The following ECE2 variants were observed in gnomAD, a reference collection of about 807,000 sequenced individuals.
ECE2 encodes endothelin-converting enzyme 2.
A neutral mutation model predicts 100.6 loss-of-function variants in ECE2; 81 were observed. That is an observed-to-expected ratio of 0.81 (90% CI 0.67 to 0.97). The LOEUF is 0.97. ECE2 is among the 50% of genes least tolerant of loss of function. The pLI, the probability that ECE2 is intolerant of heterozygous loss-of-function variation, is 0.00. For synonymous variants in ECE2, 391 were observed against 391.5 expected, an observed-to-expected ratio of 1.00 and a Z score of 0.02; for missense variants, 911 against 988.1, an observed-to-expected ratio of 0.92 and a Z score of 1.05.
chr3:184,276,761 T>C (rs2108416166), intron 2 of ECE2, 131 bp from the exon 3 acceptor site: 1 of 1,557,274 alleles, frequency 6.4e-7, no homozygotes, highest in South Asian at 1.2e-5. Flanking sequence ...CTCAACTCAC[T>C]GGCTGGCCTC....
At position 184,291,558 on chromosome 3, in the gene ECE2, G is replaced by T. The variant is rs969910533; in HGVS notation, c.2121+119G>T. On this transcript the variant is annotated intron_variant, in intron 18 of 18. Coordinates refer to ENST00000404464, the MANE Select transcript of ECE2 (RefSeq NM_001100121.2). The surrounding 1 kb of genome is among the most constrained non-coding windows in gnomAD (Gnocchi z 4.1). ...GCTGGTGAATGGGGCTGAGGCTGGG[G>T]CATGAAAGGTGGGCTGGGAAGGCCC... is the stretch of plus-strand genomic sequence containing the variant. 4 of 1,041,154 alleles carry T rather than the reference G, an allele frequency of 3.8e-6. No homozygotes were observed. Among genetic ancestry groups the T allele is most frequent in the Non-Finnish European group, 5.4e-6 (4 of 741,806 alleles). The allele number at this position is 1,041,154 out of a possible 1,614,324, so 64.5% of individuals were successfully genotyped here.
Position 184,291,239 on chromosome 3 carries a change from C to A in ECE2, c.2025+9C>A, listed in dbSNP as rs1315877545. ...TGAAGGCTGCCTACAATGTGAGTGG[C>A]CTGACCAGCCCTCCAGCGGCTGAGG... is the stretch of plus-strand genomic sequence containing the variant. On this transcript the variant is annotated intron_variant, in intron 17 of 18. Coordinates refer to ENST00000404464, the MANE Select transcript of ECE2 (RefSeq NM_001100121.2). This position sits in a 1 kb window ranked among gnomAD's most constrained non-coding sequence, Gnocchi z 4.1. 1.2e-6 allele frequency: 2 copies of A among 1,607,854 alleles called. No homozygotes were observed. The highest frequency in any genetic ancestry group is 1.3e-5 in the African/African-American group (1 of 74,972).
chr3:184,276,722 C>A (rs1181114363), intron 2 of ECE2, 155 bp downstream of exon 2: 1 of 1,540,506 alleles, frequency 6.5e-7, no homozygotes, highest in Non-Finnish European at 8.8e-7. Flanking sequence ...CGATGCTAAG[C>A]CGTGACGTTG....
chr3:184,286,102 T>C (rs1022542488), intron 10 of ECE2, among the ~76,000 whole-genome samples: 1 of 151,964 alleles, frequency 6.6e-6, no homozygotes, highest in Non-Finnish European at 1.5e-5. Flanking sequence ...GGGGGGATGG[T>C]GGGGAAGGGC....
At chr3:184,283,609 TA>T (rs369630819) in intron 7 of ECE2, among the ~76,000 whole-genome samples, 175 bp from the exon 8 acceptor site, 164 of 131,730 alleles carry the variant, frequency 1.2e-3, no homozygotes, top group African/African-American at 4.3e-3. Flanking sequence ...AAGAAGTAAG[TA>T]AACAATACTT....
chr3:184,284,746 T>C (rs1408877990), intron 8 of ECE2, among the ~76,000 whole-genome samples: 1 of 152,164 alleles, frequency 6.6e-6, no homozygotes, highest in Non-Finnish European at 1.5e-5. Flanking sequence ...CCCAGCTGAA[T>C]GTCACATGTA....
chr3:184,283,096 A>T (rs865961476), intron 7 of ECE2, among the ~76,000 whole-genome samples: 12 of 152,134 alleles, frequency 7.9e-5, no homozygotes, highest in African/African-American at 2.7e-4. Context: ...AGGAAATGAG[A>T]AGGCAAAGCA....
rs762793538 is a variant in ECE2, at chr3:184,290,583, A to G, written c.1682A>G (p.Asn561Ser). ...TGGAGCATGACCCCCCAGACAGTGA[A>G]TGCCTACTACCTTCCAACTAAGAAT... ...DQWSMTPQTV[N>S]AYYLPTKNEI... The change falls in exon 15 of 19, where the codon AAT (asparagine) becomes AGT (serine). Residue 561 changes from asparagine to serine, a missense_variant. Asn to Ser is a conservative substitution (Grantham distance 46, BLOSUM62 1). Transcript: ENST00000404464. The G allele has an allele frequency of 6.2e-7, 1 of 1,614,114 alleles. No homozygotes were observed. The highest frequency in any genetic ancestry group is 1.1e-5 in the South Asian group (1 of 91,074).
At position 184,277,908 on chromosome 3, in the gene ECE2, T is replaced by C. The variant is rs528533181; in HGVS notation, c.479-17T>C. The C allele has an allele frequency of 3.7e-6, 6 of 1,610,134 alleles. No individual in the cohort carries two copies. In the African/African-American group the frequency reaches 4.0e-5, roughly 11 times the overall value. On this transcript the variant is annotated splice_polypyrimidine_tract_variant and intron_variant, in intron 4 of 18. Transcript: ENST00000404464. ...GTTAACGTAATTGCCACCTGGATCC[T>C]GTGTTCTGCCCCACAGAAAACACCA...
chr3:184,283,823 G>T lies in ECE2; in HGVS notation c.855G>T (p.Gly285=). ...TAYLDYMEEL[G]MLLGGRPTST... is the part of the protein sequence containing the mutation. The stretch of plus-strand genomic sequence containing the variant: ...ATCTGGATTACATGGAGGAACTGGG[G>T]ATGCTGCTGGGTGGGCGGCCCACCT... The change falls in exon 8 of 19, where the codon GGG becomes GGT. Residue 285 remains glycine (G), a synonymous_variant. Coordinates refer to ENST00000404464, the MANE Select transcript of ECE2 (RefSeq NM_001100121.2). 6.2e-7 allele frequency: 1 copy of T among 1,613,934 alleles called. No individual in the cohort carries two copies. Among genetic ancestry groups the T allele is most frequent in the Non-Finnish European group, 8.5e-7 (1 of 1,180,002 alleles).
intron 7 of ECE2, among the ~76,000 whole-genome samples, chr3:184,279,211 G>C (rs1398187897): frequency 6.7e-6 from 1 of 149,296 alleles, no homozygotes; most frequent in Admixed American, 6.8e-5. Context: ...TCGGGAGGCT[G>C]AGACAGGAGA....
chr3:184,289,607 G>C lies in ECE2; in HGVS notation c.1474-34G>C. 6.2e-7 allele frequency: 1 copy of C among 1,613,370 alleles called. No homozygotes were observed. The highest frequency in any genetic ancestry group is 8.5e-7 in the Non-Finnish European group (1 of 1,179,346). On this transcript the variant is annotated intron_variant, in intron 12 of 18. Coordinates refer to ENST00000404464, the MANE Select transcript of ECE2 (RefSeq NM_001100121.2). The surrounding 1 kb of genome is among the most constrained non-coding windows in gnomAD (Gnocchi z 4.1). Reference sequence around the variant, plus strand: ...GGATACAGTTTTGCTAGGAACCTGGGGAAGGAAACAAACCCTTAACCTGGT... The same window carrying C: ...GGATACAGTTTTGCTAGGAACCTGGCGAAGGAAACAAACCCTTAACCTGGT...
chr3:184,276,096 G>A lies in ECE2; in HGVS notation c.-58G>A. On this transcript the variant is annotated 5_prime_UTR_variant, in exon 1 of 19. Transcript: ENST00000404464. ...GGGCCGGGCAGGGGACCGGGGCCGC[G>A]GCCCGGGAGCGGGCCAGCTGCCGGG... 4.8e-6 allele frequency: 6 copies of A among 1,254,516 alleles called. No homozygotes were observed. The highest frequency in any genetic ancestry group is 6.3e-5 in the East Asian group (2 of 31,560). 77.7% of individuals were successfully genotyped at this position (1,254,516 alleles called of 1,614,324 possible).
At chr3:184,285,251 C>G (rs528145702) in intron 9 of ECE2, 146 bp downstream of exon 9, 2 of 1,250,444 alleles carry the variant, frequency 1.6e-6, no homozygotes, top group East Asian at 2.4e-5. Flanking sequence ...TGGGCTTTTC[C>G]TCTGCGCTAG....
intron 7 of ECE2, chr3:184,278,792 G>T (rs1720690108): frequency 7.1e-6 from 4 of 559,800 alleles, no homozygotes; most frequent in Non-Finnish European, 9.4e-6. Flanking sequence ...CCTACTGTGT[G>T]CCAGGTCCAG....
rs368995321 is a variant in ECE2 at position 184,276,241 on chromosome 3, C to T, written c.39+49C>T. 3.5e-5 allele frequency: 50 copies of T among 1,437,530 alleles called. No individual in the cohort carries two copies. In the African/African-American group the frequency reaches 5.0e-4, roughly 14 times the overall value. The allele number at this position is 1,437,530 out of a possible 1,614,324, so 89.0% of individuals were successfully genotyped here. On this transcript the variant is annotated intron_variant, in intron 1 of 18. Transcript: ENST00000404464. ...CGGGAGGGGACTGGGTGGAGGGGGA[C>T]GAGGCAGAGGGGTCGGCCGCGGAGG...
At chr3:184,285,353 A>G in intron 9 of ECE2, 125 bp from the exon 10 acceptor site, 2 of 896,990 alleles carry the variant, frequency 2.2e-6, no homozygotes, top group East Asian at 2.6e-5. Flanking sequence ...CCAAAGAGGA[A>G]CCCCGGGACA....
chr3:184,288,703 A>G (rs921205379), intron 11 of ECE2, among the ~76,000 whole-genome samples: 1 of 152,246 alleles, frequency 6.6e-6, no homozygotes, highest in Non-Finnish European at 1.5e-5. Context: ...ACATAATTCC[A>G]TATTTTATAT....
Position 184,292,557 on chromosome 3 carries a change from T to C in ECE2, c.*319T>C. The C allele has an allele frequency of 2.6e-6, 1 of 384,290 alleles. No homozygotes were observed. Among genetic ancestry groups the C allele is most frequent in the South Asian group, 3.5e-5 (1 of 28,584 alleles). The allele number at this position is 384,290 out of a possible 1,614,324, so 23.8% of individuals were successfully genotyped here. On this transcript the variant is annotated 3_prime_UTR_variant, in exon 19 of 19. Transcript: ENST00000404464. The stretch of plus-strand genomic sequence containing the variant: ...CTTCTGTCCCCAGGCTCACTCAGCC[T>C]GGCGGCCATGGGGCCTGCCGTGCCT...
Sources: gnomAD v4.1 joint callset for allele counts (sites outside exome capture counted in the v4.1 genomes callset) on GRCh38, gnomAD v4.1.1 for gene constraint, Gnocchi (gnomAD v3.1) non-coding constraint, MANE v1.5 for transcripts, NCBI Gene and HGNC (gene_info 2026-07-23, HGNC 2026-07-21) for gene names.